The following GULP1 variants were observed in gnomAD, a reference collection of about 807,000 sequenced individuals.
GULP1 encodes PTB domain-containing engulfment adapter protein 1.
Under a neutral mutation model 40.9 loss-of-function variants are expected in GULP1, and 19 were observed. The ratio of observed to expected loss-of-function variants is 0.46; its 90% CI spans 0.32 to 0.68. The LOEUF (loss-of-function observed/expected upper bound fraction) is 0.68. Among genes scored for constraint, GULP1 ranks in the 30% least tolerant of loss-of-function variants. The probability of loss-of-function intolerance (pLI) is 0.03; values close to 1 mark genes in which losing one functional copy is unlikely to be tolerated. For missense variants in GULP1, 312 were observed against 362.2 expected (o/e 0.86, Z 1.12); for synonymous variants, 119 against 117.6 (o/e 1.01, Z -0.08).
chr2:188,401,752 C>T (rs532199351), intron 2 of GULP1, among the ~76,000 whole-genome samples: 1 of 152,214 alleles, frequency 6.6e-6, no homozygotes, highest in East Asian at 1.9e-4. Context: ...TAGAAAATAA[C>T]TTTAGCTTGA....
rs1701933784 is a variant in GULP1 at position 188,584,326 on chromosome 2, C to T, written c.671C>T (p.Pro224Leu). 6.2e-7 allele frequency: 1 copy of T among 1,604,478 alleles called. No homozygotes were observed. Among genetic ancestry groups the T allele is most frequent in the South Asian group, 1.1e-5 (1 of 90,806 alleles). Residue 224 changes from proline (P) to leucine (L), a missense_variant, in exon 10 of 12, where the codon CCA becomes CTA. Physicochemically the swap from Pro to Leu is moderately conservative, Grantham distance 98. Coordinates refer to ENST00000409830, the MANE Select transcript of GULP1 (RefSeq NM_016315.4). Reference sequence around the variant, plus strand: ...ATCTTTGATATGATTCCATTTTCTCCAATATCACACCAGTCTTCGATGCCT... The same window carrying T: ...ATCTTTGATATGATTCCATTTTCTCTAATATCACACCAGTCTTCGATGCCT... ...TDIFDMIPFS[P>L]ISHQSSMPTR...
intron 5 of GULP1, among the ~76,000 whole-genome samples, chr2:188,524,883 G>A (rs1253930394): frequency 6.6e-6 from 1 of 151,302 alleles, no homozygotes; most frequent in African/African-American, 2.4e-5. Flanking sequence ...TGCCATGTAA[G>A]GTAACATTTT....
intron 4 of GULP1, among the ~76,000 whole-genome samples, chr2:188,487,625 A>T (rs1212396829): frequency 1.0e-4 from 1 of 9,786 alleles, no homozygotes; most frequent in Non-Finnish European, 6.8e-4. Flanking sequence ...CTTAAAATCA[A>T]ATATAGAAAT....
At chr2:188,385,775 C>T (rs573724709) in intron 2 of GULP1, among the ~76,000 whole-genome samples, 3 of 152,260 alleles carry the variant, frequency 2.0e-5, no homozygotes, top group South Asian at 2.1e-4. Context: ...AGCAAAATGC[C>T]GCCAGTCTCT....
chr2:188,419,879 C>T (rs766165055), intron 2 of GULP1, among the ~76,000 whole-genome samples: 4 of 152,028 alleles, frequency 2.6e-5, no homozygotes, highest in African/African-American at 4.8e-5. Flanking sequence ...GTTTAGTGTA[C>T]GTTGTAAGAT....
intron 1 of GULP1, among the ~76,000 whole-genome samples, chr2:188,326,621 A>G (rs1051664540): frequency 6.6e-6 from 1 of 152,112 alleles, no homozygotes; most frequent in African/African-American, 2.4e-5. Context: ...TATGTTGACT[A>G]TATTTGATAC....
At chr2:188,481,279 T>C (rs769334380) in intron 3 of GULP1, among the ~76,000 whole-genome samples, 5 of 152,008 alleles carry the variant, frequency 3.3e-5, no homozygotes, top group Non-Finnish European at 7.4e-5. Context: ...AGGACCAGCA[T>C]GTGTATTTCC....
At chr2:188,466,054 A>G (rs1385922287) in intron 2 of GULP1, among the ~76,000 whole-genome samples, 1 of 151,560 alleles carries the variant, frequency 6.6e-6, no homozygotes, top group Non-Finnish European at 1.5e-5. Flanking sequence ...CTATTTTGCC[A>G]TTTTGTTCTA....
chr2:188,539,395 C>CA (rs201514814), intron 6 of GULP1, among the ~76,000 whole-genome samples: 1,636 of 148,936 alleles, frequency 0.011, 23 homozygotes, highest in Admixed American at 0.043. Flanking sequence ...GTCATTAAAA[C>CA]AAAAAAAAAT....
intron 11 of GULP1, chr2:188,589,300 A>C (rs1703029836): frequency 6.6e-6 from 1 of 152,472 alleles, no homozygotes; most frequent in Non-Finnish European, 1.5e-5. Flanking sequence ...CAGATTTCCT[A>C]GTTCTTTTCT....
rs146004896 is a variant in GULP1, at chr2:188,292,259, G to C, written c.-172+93G>C. The C allele has an allele frequency of 6.6e-6, 1 of 152,536 alleles. No individual in the cohort carries two copies. The highest frequency in any genetic ancestry group is 1.5e-5 in the Non-Finnish European group (1 of 68,290). 9.4% of individuals were successfully genotyped at this position (152,536 alleles called of 1,614,324 possible). A position where few individuals can be genotyped will look rare whatever the true frequency, so the allele number is the denominator to read the frequency against. On this transcript the variant is annotated intron_variant, in intron 1 of 11. Coordinates refer to ENST00000409830, the MANE Select transcript of GULP1 (RefSeq NM_016315.4). This position sits in a 1 kb window ranked among gnomAD's most constrained non-coding sequence, Gnocchi z 4.0. ...CTTAGAAGCTGATATCCCGAGGGGC[G>C]GTGGGGGTGGACAGCTCCGGCCACC...
At chr2:188,305,030 A>C (rs2106189504) in intron 1 of GULP1, among the ~76,000 whole-genome samples, 1 of 152,204 alleles carries the variant, frequency 6.6e-6, no homozygotes, top group South Asian at 2.1e-4. Context: ...ACTGCCCCTC[A>C]TGCCCCTCCA....
At chr2:188,522,644 A>G (rs1685142364) in intron 4 of GULP1, 112 bp from the exon 5 acceptor site, 1 of 459,442 alleles carries the variant, frequency 2.2e-6, no homozygotes, top group African/African-American at 2.0e-5. Context: ...TTTAATTAAC[A>G]TATGAGTTTG....
chr2:188,377,171 CAA>C (rs879640577), intron 1 of GULP1, among the ~76,000 whole-genome samples: 4 of 113,886 alleles, frequency 3.5e-5, no homozygotes, highest in African/African-American at 3.3e-5. Context: ...GACTCCATCT[CAA>C]AAAAAAAAAA....
At chr2:188,427,806 C>G (rs2056398599) in intron 2 of GULP1, among the ~76,000 whole-genome samples, 1 of 152,250 alleles carries the variant, frequency 6.6e-6, no homozygotes, top group Non-Finnish European at 1.5e-5. Context: ...GAAGCCCCCA[C>G]ACAGAATCCC....
chr2:188,384,800 C>T (rs1380847606), intron 2 of GULP1, among the ~76,000 whole-genome samples: 1 of 152,182 alleles, frequency 6.6e-6, no homozygotes, highest in Non-Finnish European at 1.5e-5. Flanking sequence ...GTTCCAAAAT[C>T]CAGTGGGGCA....
chr2:188,358,705 A>G (rs1042164434), intron 1 of GULP1, among the ~76,000 whole-genome samples: 3 of 152,174 alleles, frequency 2.0e-5, no homozygotes, highest in African/African-American at 7.2e-5. Flanking sequence ...TTGGAATAAG[A>G]TTTACACAGT....
intron 1 of GULP1, among the ~76,000 whole-genome samples, chr2:188,354,489 C>T (rs2044982875): frequency 6.6e-6 from 1 of 152,144 alleles, no homozygotes; most frequent in South Asian, 2.1e-4. Context: ...CCAACACTGT[C>T]ACAGAGAGTG....
intron 3 of GULP1, among the ~76,000 whole-genome samples, chr2:188,479,750 T>C (rs1358142893): frequency 6.6e-6 from 1 of 152,134 alleles, no homozygotes; most frequent in Non-Finnish European, 1.5e-5. Context: ...TACTGTTTAT[T>C]TGAAGGGGGT....
Sources: gnomAD v4.1 joint callset for allele counts (sites outside exome capture counted in the v4.1 genomes callset) on GRCh38, gnomAD v4.1.1 for gene constraint, Gnocchi (gnomAD v3.1) non-coding constraint, MANE v1.5 for transcripts, NCBI Gene and HGNC (gene_info 2026-07-23, HGNC 2026-07-21) for gene names.